CSRP1: variants seen among roughly 807,000 people sequenced by gnomAD.
CSRP1 encodes the protein cysteine and glycine-rich protein 1.
CSRP1 carries 16 observed loss-of-function variants against 25.4 expected under a neutral mutation model. That is an observed-to-expected ratio of 0.63 (90% confidence interval 0.43 to 0.96). The LOEUF (loss-of-function observed/expected upper bound fraction) is 0.96, where lower values mean the gene tolerates loss of function less well. Among genes scored for constraint, CSRP1 ranks in the 40% least tolerant of loss-of-function variants. The probability of loss-of-function intolerance (pLI) is 0.00; values close to 1 mark genes in which losing one functional copy is unlikely to be tolerated. For synonymous variants in CSRP1, 97 were observed against 95.3 expected (o/e 1.02, Z -0.10); for missense variants, 212 against 243.6 (o/e 0.87, Z 0.86).
rs114599958 is a variant in CSRP1 at position 201,491,313 on chromosome 1, A to T, written c.113-969T>A. On this transcript the variant is annotated intron_variant, in intron 2 of 5. Transcript: ENST00000340006. ...AAATAAAACTTTTAAAAATAAAAAT[A>T]AAGTTAAAGCAGTTCAGAGCCTGGG... 597 of 152,306 alleles carry T rather than the reference A, an allele frequency of 3.9e-3. 3 individuals are homozygous for T. The highest frequency in any genetic ancestry group is 0.014 in the African/African-American group (566 of 41,566). The allele number at this position is 152,306 out of a possible 1,614,324, so 9.4% of individuals were successfully genotyped here. A position where few individuals can be genotyped will look rare whatever the true frequency, so the allele number is the denominator to read the frequency against.
In CSRP1 at chr1:201,490,200, T is replaced by A. The variant is rs754606251; in HGVS notation, c.257A>T (p.Glu86Val). The A allele has an allele frequency of 1.2e-6, 2 of 1,613,710 alleles. No homozygotes were observed. Among genetic ancestry groups the A allele is most frequent in the Admixed American group, 1.7e-5 (1 of 59,982 alleles). The change falls in exon 3 of 6, where the codon GAG becomes GTG. Residue 86 changes from glutamate (E) to valine (V), a missense_variant. Glu to Val is a moderately radical substitution (Grantham distance 121, BLOSUM62 -2). Coordinates refer to ENST00000340006, the MANE Select transcript of CSRP1 (RefSeq NM_004078.3). ...CTCCTCGTGCTTGATACCCAGCGACTCCCCCTTGTCAGTGCTGAGGGTGCC... is the reference window on the plus strand; with the variant it reads ...CTCCTCGTGCTTGATACCCAGCGACACCCCCTTGTCAGTGCTGAGGGTGCC... ...GAGTLSTDKG[E>V]SLGIKHEEAP...
At chr1:201,503,712 G>A (rs958585658) in intron 1 of CSRP1, among the ~76,000 whole-genome samples, 3 of 152,138 alleles carry the variant, frequency 2.0e-5, no homozygotes, top group African/African-American at 4.8e-5. Flanking sequence ...GTACAGGCAC[G>A]TCATTACCAT....
Position 201,490,237 on chromosome 1 carries a change from C to A in CSRP1, c.220G>T (p.Gly74Trp). Residue 74 changes from glycine (G) to tryptophan (W), a missense_variant, in exon 3 of 6, where the codon GGG (glycine) becomes TGG (tryptophan). Coordinates refer to ENST00000340006, the MANE Select transcript of CSRP1 (RefSeq NM_004078.3). The stretch of plus-strand genomic sequence containing the variant: ...GTGCTGAGGGTGCCTGCGCCCTGCC[C>A]GTAGCCATAGCCTTTGGGCCCATAC... The part of the protein sequence containing the change: ...KKYGPKGYGY[G>W]QGAGTLSTDK... 2 of 1,614,170 alleles carry A rather than the reference C, an allele frequency of 1.2e-6. No individual in the cohort carries two copies. Among genetic ancestry groups the A allele is most frequent in the Non-Finnish European group, 1.7e-6 (2 of 1,180,040 alleles).
At chr1:201,497,358 CAAAAA>C (rs71564149) in intron 1 of CSRP1, among the ~76,000 whole-genome samples, 3 of 44,580 alleles carry the variant, frequency 6.7e-5, no homozygotes, top group Non-Finnish European at 1.2e-4. Flanking sequence ...GACTCTGTCT[CAAAAA>C]AAAAAAAAAA....
chr1:201,500,865 A>G (rs1664651034), intron 1 of CSRP1, among the ~76,000 whole-genome samples: 1 of 152,230 alleles, frequency 6.6e-6, no homozygotes, highest in African/African-American at 2.4e-5. Context: ...CCTTAGAGGG[A>G]CACTTGGCTC....
At chr1:201,506,992 C>G (rs1474431731) in intron 1 of CSRP1, 78 bp downstream of exon 1, 1 of 152,224 alleles carries the variant, frequency 6.6e-6, no homozygotes, top group Admixed American at 6.5e-5. Context: ...GCGGGGCTGG[C>G]AAGACCGGGA....
intron 1 of CSRP1, among the ~76,000 whole-genome samples, chr1:201,496,859 G>A (rs1382755713): frequency 6.6e-6 from 1 of 152,190 alleles, no homozygotes; most frequent in Non-Finnish European, 1.5e-5. Context: ...AGAGGGAAGG[G>A]ACCATGACTG....
intron 2 of CSRP1, chr1:201,491,282 A>G (rs1664330643): frequency 6.6e-6 from 1 of 152,192 alleles, no homozygotes; most frequent in African/African-American, 2.4e-5. Flanking sequence ...TTAAAAATAA[A>G]TAAATAAATA....
chr1:201,484,816 C>A (rs1167251749), intron 5 of CSRP1, 27 bp from the exon 6 acceptor site: 2 of 1,594,664 alleles, frequency 1.3e-6, no homozygotes, highest in East Asian at 2.2e-5. Context: ...GAGATAAGGG[C>A]ATGTTCTTCC....
chr1:201,496,366 C>T (rs1664515535), intron 1 of CSRP1, 62 bp from the exon 2 acceptor site: 2 of 1,342,210 alleles, frequency 1.5e-6, no homozygotes, highest in Admixed American at 3.4e-5. Flanking sequence ...CTCAGATTGT[C>T]CACGACAGAA....
chr1:201,491,666 G>A (rs897811826), intron 2 of CSRP1: 1 of 152,214 alleles, frequency 6.6e-6, no homozygotes, highest in Non-Finnish European at 1.5e-5. Context: ...CTCCTCTCAA[G>A]AGATTCAACT....
intron 3 of CSRP1, chr1:201,489,885 A>T: frequency 3.4e-6 from 1 of 292,680 alleles, no homozygotes; most frequent in Admixed American, 4.7e-5. Context: ...AAAACAAAAA[A>T]AGAGGAAATT....
rs1294277772 is a variant in CSRP1, at chr1:201,483,897, T to C, written c.*816A>G. 14 of 645,128 alleles carry C rather than the reference T, an allele frequency of 2.2e-5. No homozygotes were observed. Among genetic ancestry groups the C allele is most frequent in the Non-Finnish European group, 3.5e-5 (12 of 344,806 alleles). The allele number at this position is 645,128 out of a possible 1,614,324, so 40.0% of individuals were successfully genotyped here. ...AAGAACAGAGCCCTGGCCTGGGCTC[T>C]GCTGGCCGCAGCCTCAGGAGCCAGG... On this transcript the variant is annotated 3_prime_UTR_variant, in exon 6 of 6. Coordinates refer to ENST00000340006, the MANE Select transcript of CSRP1 (RefSeq NM_004078.3).
chr1:201,494,730 G>C (rs1664450393), intron 2 of CSRP1, among the ~76,000 whole-genome samples: 1 of 152,160 alleles, frequency 6.6e-6, no homozygotes, highest in Non-Finnish European at 1.5e-5. Flanking sequence ...GAACAGACAG[G>C]ACCCCATTCT....
At chr1:201,488,169 A>G (rs904323365) in intron 4 of CSRP1, 2 of 152,214 alleles carry the variant, frequency 1.3e-5, no homozygotes, top group African/African-American at 4.8e-5. Context: ...CAGGGGCAAG[A>G]GTTCTGCCTC....
intron 5 of CSRP1, 27 bp downstream of exon 5, chr1:201,485,256 C>A (rs772875302): frequency 1.9e-6 from 3 of 1,610,540 alleles, no homozygotes; most frequent in Non-Finnish European, 1.7e-6. Flanking sequence ...GGCCTCCTGA[C>A]CCTCAATTAG....
chr1:201,493,018 C>T (rs937732246), intron 2 of CSRP1: 3 of 152,574 alleles, frequency 2.0e-5, no homozygotes, highest in African/African-American at 7.2e-5. Context: ...TTCTTCTTTC[C>T]TCAGGGCTGG....
chr1:201,494,598 G>A (rs1571781226), intron 2 of CSRP1, among the ~76,000 whole-genome samples: 2 of 152,366 alleles, frequency 1.3e-5, no homozygotes, highest in Middle Eastern at 3.4e-3. Context: ...TGTGCGGGGT[G>A]GCCTCAGGTG....
intron 4 of CSRP1, chr1:201,486,902 T>A: frequency 8.0e-7 from 1 of 1,249,808 alleles, no homozygotes; most frequent in Non-Finnish European, 1.0e-6. Flanking sequence ...AATAATTTTC[T>A]ATTCTCATAA....
Sources: allele counts gnomAD v4.1 joint callset (sites outside exome capture counted in the v4.1 genomes callset), GRCh38; gene constraint gnomAD v4.1.1; transcripts MANE v1.5; gene names NCBI Gene and HGNC (gene_info 2026-07-23, HGNC 2026-07-21).